The following BCO2 variants were observed in gnomAD, a reference collection of about 807,000 sequenced individuals.
BCO2 encodes the protein carotenoid-cleaving dioxygenase, mitochondrial.
BCO2 carries 56 observed loss-of-function variants against 65.8 expected under a neutral mutation model. The observed-to-expected ratio is 0.85, with a 90% confidence interval of 0.69 to 1.06. The LOEUF (loss-of-function observed/expected upper bound fraction) is 1.06, where lower values mean the gene tolerates loss of function less well. Ranked by LOEUF, BCO2 falls within the 50% of genes least tolerant of loss-of-function variation. BCO2 has a pLI of 0.00. For synonymous variants in BCO2, 233 were observed against 242.3 expected (o/e 0.96, Z 0.36); for missense variants, 675 against 698.5 (o/e 0.97, Z 0.38).
intron 8 of BCO2, among the ~76,000 whole-genome samples, chr11:112,211,319 TACACACACAC>T (rs71060232): frequency 2.2e-3 from 285 of 128,430 alleles, no homozygotes; most frequent in South Asian, 0.011. Context: ...TTCGATTGTA[TACACACACAC>T]ACACACACAC....
At chr11:112,201,991 AT>A (rs775991362) in intron 7 of BCO2, 31 bp from the exon 8 acceptor site, 7 of 1,511,986 alleles carry the variant, frequency 4.6e-6, no homozygotes, top group Middle Eastern at 1.8e-4. Context: ...ACTAAAAAAA[AT>A]TTTTTTCATT....
At chr11:112,177,219 A>T (rs1380572994) in intron 1 of BCO2, among the ~76,000 whole-genome samples, 1 of 152,246 alleles carries the variant, frequency 6.6e-6, no homozygotes, top group Admixed American at 6.5e-5. Context: ...GTAGAGTAAC[A>T]TAAATACCTG....
At chr11:112,179,625 G>T in intron 2 of BCO2, 143 bp downstream of exon 2, 1 of 735,308 alleles carries the variant, frequency 1.4e-6, no homozygotes, top group Middle Eastern at 3.8e-4. Flanking sequence ...TAGCCTAGAG[G>T]AGAAGAAAGG....
At position 112,194,721 on chromosome 11, in the gene BCO2, A is replaced by G. The variant is rs1464043737; in HGVS notation, c.702A>G (p.Thr234=). Residue 234 remains threonine, a synonymous_variant, in exon 5 of 12, where the codon ACA becomes ACG. Transcript: ENST00000357685. ...TAHPHYDLDG[T]AYNMGNSFGP... is the part of the protein sequence containing the mutation. Reference sequence around the variant, plus strand: ...ATCCTCATTATGACCTGGATGGAACAGCATACAATATGGGGAACTCCTTTG... The same window carrying G: ...ATCCTCATTATGACCTGGATGGAACGGCATACAATATGGGGAACTCCTTTG... The G allele has an allele frequency of 6.8e-6, 11 of 1,611,950 alleles. No homozygotes were observed. The highest frequency in any genetic ancestry group is 1.3e-5 in the African/African-American group (1 of 74,864).
In BCO2 at chr11:112,194,423, T is replaced by C. The variant is rs1867497814; in HGVS notation, c.634-230T>C. The C allele has an allele frequency of 1.3e-5, 6 of 470,218 alleles. No individual in the cohort carries two copies. In the Admixed American group the frequency reaches 1.6e-4, roughly 13 times the overall value. 29.1% of individuals were successfully genotyped at this position (470,218 alleles called of 1,614,324 possible). On this transcript the variant is annotated intron_variant, in intron 4 of 11. Coordinates refer to ENST00000357685, the MANE Select transcript of BCO2 (RefSeq NM_031938.7). Reference sequence around the variant, plus strand: ...ATTTTCCTGTGATATTAGGCAAATTTATTCAGGGTGGTTTTGTTGTTAGTA... The same window carrying C: ...ATTTTCCTGTGATATTAGGCAAATTCATTCAGGGTGGTTTTGTTGTTAGTA...
At chr11:112,188,978 G>GT (rs1566774500) in intron 2 of BCO2, among the ~76,000 whole-genome samples, 1 of 151,928 alleles carries the variant, frequency 6.6e-6, no homozygotes, top group South Asian at 2.1e-4. Context: ...ATTATTGTAA[G>GT]TTTTTTTGAA....
At chr11:112,215,257 G>C in intron 10 of BCO2, 1 of 345,852 alleles carries the variant, frequency 2.9e-6, no homozygotes, top group Non-Finnish European at 5.4e-6. Context: ...AATTGTGTTT[G>C]ATGGTGATGG....
intron 8 of BCO2, among the ~76,000 whole-genome samples, chr11:112,204,168 T>C (rs1592857729): frequency 1.3e-5 from 2 of 152,280 alleles, no homozygotes; most frequent in Middle Eastern, 6.8e-3. Flanking sequence ...AGAATATTTT[T>C]CTTTCTGTGT....
At chr11:112,200,538 GT>G (rs1867699026) in intron 6 of BCO2, 74 bp from the exon 7 acceptor site, 1 of 1,362,780 alleles carries the variant, frequency 7.3e-7, no homozygotes. Context: ...ATTCAGACAA[GT>G]CCCCATAACT....
At chr11:112,215,115 G>A (rs1859631970) in intron 10 of BCO2, 171 bp downstream of exon 10, 3 of 646,278 alleles carry the variant, frequency 4.6e-6, no homozygotes, top group Non-Finnish European at 5.3e-6. Flanking sequence ...GTTCCTTCTA[G>A]GGAATCCAAA....
chr11:112,213,131 C>CTT (rs35527541), intron 8 of BCO2, among the ~76,000 whole-genome samples: 844 of 63,078 alleles, frequency 0.013, 139 homozygotes, highest in East Asian at 0.024. Flanking sequence ...AATTAAATAA[C>CTT]TTTTTTTTTT....
At chr11:112,217,384 A>G (rs1275421848) in intron 11 of BCO2, among the ~76,000 whole-genome samples, 1 of 152,220 alleles carries the variant, frequency 6.6e-6, no homozygotes, top group Non-Finnish European at 1.5e-5. Context: ...CTTTTTAAAG[A>G]CAGGGTCTCG....
chr11:112,209,280 C>T (rs1198533585), intron 8 of BCO2, among the ~76,000 whole-genome samples: 1 of 152,212 alleles, frequency 6.6e-6, no homozygotes. Flanking sequence ...CCCCTGGAAA[C>T]CACTGATCTT....
chr11:112,195,410 G>A (rs895709595), intron 5 of BCO2, among the ~76,000 whole-genome samples: 13 of 152,300 alleles, frequency 8.5e-5, no homozygotes, highest in African/African-American at 2.9e-4. Flanking sequence ...TGGGATTACA[G>A]GCGTGAGTCA....
chr11:112,210,265 T>A (rs1859468214), intron 8 of BCO2, among the ~76,000 whole-genome samples: 1 of 152,230 alleles, frequency 6.6e-6, no homozygotes, highest in African/African-American at 2.4e-5. Flanking sequence ...TTATCTGTTG[T>A]TTATTTTGGT....
intron 8 of BCO2, among the ~76,000 whole-genome samples, chr11:112,207,648 T>A (rs999211650): frequency 6.6e-6 from 1 of 152,246 alleles, no homozygotes; most frequent in Non-Finnish European, 1.5e-5. Flanking sequence ...CACGTTTTTG[T>A]AGAAATTTTA....
intron 5 of BCO2, 59 bp from the exon 6 acceptor site, chr11:112,199,640 G>T (rs977573154): frequency 2.0e-6 from 3 of 1,527,910 alleles, no homozygotes; most frequent in African/African-American, 1.4e-5. Context: ...AAGTGCAAGG[G>T]TTGTCTTTTA....
chr11:112,186,801 G>A (rs1205486327), intron 2 of BCO2, among the ~76,000 whole-genome samples: 1 of 152,126 alleles, frequency 6.6e-6, no homozygotes, highest in Non-Finnish European at 1.5e-5. Flanking sequence ...AGGCTAGCCT[G>A]GGCAACATAG....
rs1163436968 is a variant in BCO2, at chr11:112,207,377, C to CCTT, written c.1194+5187_1194+5188insCTT. On this transcript the variant is annotated intron_variant, in intron 8 of 11. Coordinates refer to ENST00000357685, the MANE Select transcript of BCO2 (RefSeq NM_031938.7). ...AACTTAATATGGCCCAGTATACAGT[C>CCTT]TCTTCCTTTATGACTTATACGTTGT... Among the ~76,000 whole-genome samples the CCTT allele has an allele frequency of 2.0e-5, 3 of 152,314 alleles. No individual in the cohort carries two copies. The East Asian group carries it at 5.8e-4, about 29-fold the overall frequency.
Sources: gnomAD v4.1 joint callset for allele counts (sites outside exome capture counted in the v4.1 genomes callset) on GRCh38, gnomAD v4.1.1 for gene constraint, MANE v1.5 for transcripts, NCBI Gene and HGNC (gene_info 2026-07-23, HGNC 2026-07-21) for gene names.